SETD4: variants seen among roughly 807,000 people sequenced by gnomAD.
The protein encoded by SETD4 is SET domain-containing protein 4.
Under a neutral mutation model 58.3 loss-of-function variants are expected in SETD4, and 46 were observed. The ratio of observed to expected loss-of-function variants is 0.79; its 90% CI spans 0.62 to 1.01. The LOEUF is 1.01. Ranked by LOEUF, SETD4 falls within the 50% of genes least tolerant of loss-of-function variation. SETD4 has a pLI of 0.00. For synonymous variants in SETD4, 190 were observed against 202.6 expected (o/e 0.94, Z 0.53); for missense variants, 490 against 523.3 (o/e 0.94, Z 0.62).
At chr21:36,046,849 AG>A (rs1397897467) in intron 5 of SETD4, among the ~76,000 whole-genome samples, 1 of 152,250 alleles carries the variant, frequency 6.6e-6, no homozygotes, top group Non-Finnish European at 1.5e-5. Context: ...AGAATGATTC[AG>A]AAAATGTTAA....
chr21:36,057,299 G>C (rs1035562151), intron 2 of SETD4, 95 bp from the exon 3 acceptor site: 1 of 923,628 alleles, frequency 1.1e-6, no homozygotes. Context: ...GTGTCAGACA[G>C]ACTTACACAA....
Position 36,060,050 on chromosome 21 carries a change from C to T in SETD4, c.-37+297G>A, listed in dbSNP as rs561458252. ...CTCAAACTCTAGCCGTGAGGCCGTC[C>T]TACGGTCCGACACACACCGCTCCCG... On this transcript the variant is annotated intron_variant, in intron 1 of 11. Coordinates refer to ENST00000332131, the MANE Select transcript of SETD4 (RefSeq NM_017438.5). 99 of 985,560 alleles carry T rather than the reference C, an allele frequency of 1.0e-4. No homozygotes were observed. In the South Asian group the frequency reaches 2.4e-3, roughly 24 times the overall value. The allele number at this position is 985,560 out of a possible 1,614,324, so 61.1% of individuals were successfully genotyped here.
In SETD4 at chr21:36,035,245, TAAG is replaced by T. The variant is rs955543927; in HGVS notation, c.*745_*747del. On this transcript the variant is annotated 3_prime_UTR_variant, in exon 12 of 12. Coordinates refer to ENST00000332131, the MANE Select transcript of SETD4 (RefSeq NM_017438.5). The stretch of plus-strand genomic sequence containing the variant: ...TCTGCGTGGTATCAAAACTCAAGAA[TAAG>T]AACAGAAGCCAAACCACCACCATGG... 1.3e-5 allele frequency: 2 copies of T among 152,268 alleles called. No homozygotes were observed. The highest frequency in any genetic ancestry group is 4.8e-5 in the African/African-American group (2 of 41,412). 9.4% of individuals were successfully genotyped at this position (152,268 alleles called of 1,614,324 possible).
At chr21:36,058,997 A>T (rs2065135850) in intron 1 of SETD4, 73 bp from the exon 2 acceptor site, 1 of 1,425,296 alleles carries the variant, frequency 7.0e-7, no homozygotes, top group Non-Finnish European at 9.4e-7. Context: ...CATTTCTTTG[A>T]TTTACTTTCC....
chr21:36,042,778 C>T (rs530531983), intron 7 of SETD4: 2 of 152,142 alleles, frequency 1.3e-5, no homozygotes, highest in African/African-American at 2.4e-5. Flanking sequence ...ATTTTCACAT[C>T]TTAAGTGTAA....
intron 4 of SETD4, chr21:36,050,426 C>T: frequency 6.2e-7 from 1 of 1,614,068 alleles, no homozygotes; most frequent in Admixed American, 1.7e-5. Flanking sequence ...TCACTGCCTA[C>T]CCACAAGTGG....
rs1601294342 is a variant in SETD4, at chr21:36,057,439, G to C, written c.74-235C>G. ...GCGGGAGGACTGCTTGAGGCCAGGA[G>C]TTTGAGCCCAGCCTGCCCAACACAG... On this transcript the variant is annotated intron_variant, in intron 2 of 11. Transcript: ENST00000332131. The C allele has an allele frequency of 5.9e-6, 4 of 678,470 alleles. No homozygotes were observed. In the East Asian group the frequency reaches 8.2e-5, roughly 14 times the overall value. The allele number at this position is 678,470 out of a possible 1,614,324, so 42.0% of individuals were successfully genotyped here. A position where few individuals can be genotyped will look rare whatever the true frequency, so the allele number is the denominator to read the frequency against.
At chr21:36,054,940 A>AT (rs2064910390) in intron 3 of SETD4, among the ~76,000 whole-genome samples, 1 of 151,608 alleles carries the variant, frequency 6.6e-6, no homozygotes, top group Non-Finnish European at 1.5e-5. Flanking sequence ...CATGGTGGGA[A>AT]TTCCTGCCTC....
intron 4 of SETD4, chr21:36,050,094 A>T (rs1335075931): frequency 3.2e-6 from 2 of 634,406 alleles, no homozygotes; most frequent in African/African-American, 3.6e-5. Context: ...ACTCGGGGAC[A>T]GAAGCCCCTG....
chr21:36,047,705 T>G (rs1310446951), intron 5 of SETD4, among the ~76,000 whole-genome samples: 1 of 151,354 alleles, frequency 6.6e-6, no homozygotes, highest in African/African-American at 2.4e-5. Flanking sequence ...AGAACAAACT[T>G]TCTGGCCGGG....
intron 9 of SETD4, 106 bp downstream of exon 9, chr21:36,040,469 C>A: frequency 1.1e-6 from 1 of 870,808 alleles, no homozygotes; most frequent in Non-Finnish European, 1.9e-6. Context: ...TCCCTTTTTC[C>A]TCCCTGGCTG....
intron 6 of SETD4, among the ~76,000 whole-genome samples, chr21:36,044,471 G>A (rs969422687): frequency 1.3e-5 from 2 of 152,114 alleles, no homozygotes; most frequent in East Asian, 1.9e-4. Flanking sequence ...TCATTGGTTT[G>A]GCACATAAAT....
At chr21:36,043,680 A>G in intron 7 of SETD4, 102 bp downstream of exon 7, 1 of 1,518,694 alleles carries the variant, frequency 6.6e-7, no homozygotes, top group South Asian at 1.3e-5. Context: ...TATGTATGTC[A>G]GTCTTAAGGT....
intron 3 of SETD4, among the ~76,000 whole-genome samples, chr21:36,055,997 GC>G (rs938579030): frequency 1.1e-4 from 16 of 152,150 alleles, no homozygotes; most frequent in Non-Finnish European, 1.6e-4. Context: ...TAAGGGTGTG[GC>G]TTTTACTGAC....
At chr21:36,037,157 G>A (rs2063818406) in intron 10 of SETD4, among the ~76,000 whole-genome samples, 1 of 152,158 alleles carries the variant, frequency 6.6e-6, no homozygotes, top group Non-Finnish European at 1.5e-5. Context: ...CTTGAAAATT[G>A]CTAAGTGCAG....
chr21:36,051,684 T>TC lies in SETD4; in HGVS notation c.207+1898dup, dbSNP rs138332662. 1.3e-4 allele frequency among the ~76,000 whole-genome samples: 20 copies of TC among 152,374 alleles called. No homozygotes were observed. The East Asian group carries it at 3.9e-3, about 29-fold the overall frequency. ...CCATGAGGAACAAATACTTTTTTTT[T>TC]CATGGTCCCTTGCTTTTGTTTTTGT... On this transcript the variant is annotated intron_variant, in intron 4 of 11. Coordinates refer to ENST00000332131, the MANE Select transcript of SETD4 (RefSeq NM_017438.5).
chr21:36,041,758 T>A (rs2064073957), intron 8 of SETD4, 49 bp downstream of exon 8: 1 of 1,344,406 alleles, frequency 7.4e-7, no homozygotes, highest in Admixed American at 2.3e-5. Context: ...AGGTTTTCCA[T>A]GAAAATTTCC....
chr21:36,051,111 A>AGAGCAGACTATACTGCCTCCCTTC lies in SETD4; in HGVS notation c.207+2448_207+2471dup, dbSNP rs2064658242. 2.3e-5 allele frequency: 33 copies of AGAGCAGACTATACTGCCTCCCTTC among 1,418,146 alleles called. No individual in the cohort carries two copies. In the South Asian group the frequency reaches 3.6e-4, roughly 15 times the overall value. 87.8% of individuals were successfully genotyped at this position (1,418,146 alleles called of 1,614,324 possible). A position where few individuals can be genotyped will look rare whatever the true frequency, so the allele number is the denominator to read the frequency against. On this transcript the variant is annotated intron_variant, in intron 4 of 11. Coordinates refer to ENST00000332131, the MANE Select transcript of SETD4 (RefSeq NM_017438.5). ...TTGTAATCTAGATGTAGCTGGTATC[A>AGAGCAGACTATACTGCCTCCCTTC]GAGCAGACTATACTGCCTCCCTTCT...
At chr21:36,052,039 T>G (rs2064723890) in intron 4 of SETD4, among the ~76,000 whole-genome samples, 1 of 151,668 alleles carries the variant, frequency 6.6e-6, no homozygotes, top group Admixed American at 6.6e-5. Flanking sequence ...AATTAAAAAT[T>G]TTTAAATGAT....
Sources: allele counts gnomAD v4.1 joint callset (sites outside exome capture counted in the v4.1 genomes callset), GRCh38; gene constraint gnomAD v4.1.1; transcripts MANE v1.5; gene names NCBI Gene and HGNC (gene_info 2026-07-23, HGNC 2026-07-21).